Variants in PAXIP1 observed in about 807,000 individuals in gnomAD.
PAXIP1 encodes PAX interacting protein 1, also known as PAX-interacting protein 1.
Under a neutral mutation model 140.6 loss-of-function variants are expected in PAXIP1, and 19 were observed. The observed-to-expected ratio is 0.14, with a 90% CI of 0.09 to 0.20. The LOEUF (loss-of-function observed/expected upper bound fraction) is 0.20. Ranked by LOEUF, PAXIP1 falls within the 10% of genes least tolerant of loss-of-function variation. PAXIP1 has a pLI of 1.00. For synonymous variants in PAXIP1, 442 were observed against 444.6 expected (o/e 0.99, Z 0.07); for missense variants, 920 against 1,208.6 (o/e 0.76, Z 3.54).
intron 3 of PAXIP1, among the ~76,000 whole-genome samples, chr7:154,993,209 C>G (rs1021916532): frequency 6.6e-6 from 1 of 152,148 alleles, no homozygotes; most frequent in Non-Finnish European, 1.5e-5. Context: ...GCTCCATGAA[C>G]GAACAATGCA....
At chr7:154,997,770 C>G (rs1170608592) in intron 2 of PAXIP1, among the ~76,000 whole-genome samples, 2 of 152,198 alleles carry the variant, frequency 1.3e-5, no homozygotes, top group African/African-American at 4.8e-5. Flanking sequence ...CCCCAGACGA[C>G]CAGTGGGTAG....
chr7:154,968,920 GA>G lies in PAXIP1; in HGVS notation c.1280del (p.Leu427ProfsTer131). On this transcript the variant is annotated frameshift_variant, in exon 7 of 21. Coordinates refer to ENST00000404141, the MANE Select transcript of PAXIP1 (RefSeq NM_007349.4). LOFTEE classifies it high-confidence loss of function. ...AGATCTGCTGCTGCTGCTGCTGCTG[GA>G]GCTGCATTATCTGCTGGGGCTGAAG... ...LHLQPQQIMQ[L>X]QQQQQQQISQ... The G allele has an allele frequency of 7.5e-7, 1 of 1,328,570 alleles. No individual in the cohort carries two copies. Among genetic ancestry groups the G allele is most frequent in the Non-Finnish European group, 1.1e-6 (1 of 946,660 alleles). The allele number at this position is 1,328,570 out of a possible 1,614,324, so 82.3% of individuals were successfully genotyped here. A position where few individuals can be genotyped will look rare whatever the true frequency, so the allele number is the denominator to read the frequency against.
intron 6 of PAXIP1, among the ~76,000 whole-genome samples, chr7:154,972,453 C>T (rs762611493): frequency 6.6e-6 from 1 of 152,210 alleles, no homozygotes; most frequent in Non-Finnish European, 1.5e-5. Flanking sequence ...CCCACCACTG[C>T]ACTCCAGCCT....
intron 12 of PAXIP1, 123 bp from the exon 13 acceptor site, chr7:154,960,056 G>T (rs1808690972): frequency 1.6e-5 from 11 of 679,756 alleles, no homozygotes; most frequent in Non-Finnish European, 2.9e-5. Flanking sequence ...CACTTAATAA[G>T]GATAAATGTA....
In PAXIP1 at chr7:154,955,720, T is replaced by A; in HGVS notation, c.2550-89A>T. ...TAGAAAACAAGGGATTTCATTAGTT[T>A]AACAAGCTTTAACTGCATGTGGTTT... is the stretch of plus-strand genomic sequence containing the variant. On this transcript the variant is annotated intron_variant, in intron 14 of 20. Coordinates refer to ENST00000404141, the MANE Select transcript of PAXIP1 (RefSeq NM_007349.4). 3 of 633,674 alleles carry A rather than the reference T, an allele frequency of 4.7e-6. No individual in the cohort carries two copies. In the South Asian group the frequency reaches 7.0e-5, roughly 15 times the overall value. The allele number at this position is 633,674 out of a possible 1,614,324, so 39.3% of individuals were successfully genotyped here.
rs1466551983 is a variant in PAXIP1, at chr7:155,003,048, G to C, written c.-119C>G. 5.1e-5 allele frequency: 13 copies of C among 252,616 alleles called. No individual in the cohort carries two copies. The highest frequency in any genetic ancestry group is 6.3e-5 in the Non-Finnish European group (11 of 175,360). The allele number at this position is 252,616 out of a possible 1,614,324, so 15.6% of individuals were successfully genotyped here. ...GCCAACGGCCCTGCCCGCGCAGCCC[G>C]GGCCCGGTCCTGCGAATCGGGGTCC... On this transcript the variant is annotated 5_prime_UTR_variant, in exon 1 of 21. Transcript: ENST00000404141.
At chr7:154,981,123 G>C (rs566683973) in intron 5 of PAXIP1, among the ~76,000 whole-genome samples, 13 of 147,106 alleles carry the variant, frequency 8.8e-5, no homozygotes, top group African/African-American at 3.0e-4. Context: ...TCTGTCTCAA[G>C]AAAAAAAAAA....
chr7:154,996,628 T>C (rs1391887698), intron 2 of PAXIP1, among the ~76,000 whole-genome samples: 1 of 152,232 alleles, frequency 6.6e-6, no homozygotes, highest in East Asian at 1.9e-4. Context: ...GATATCAATC[T>C]GTAATTGCAG....
chr7:154,994,610 T>G (rs968707716), intron 2 of PAXIP1, among the ~76,000 whole-genome samples: 25 of 152,224 alleles, frequency 1.6e-4, no homozygotes, highest in Admixed American at 4.6e-4. Flanking sequence ...TATTCCAAGC[T>G]AATGATCTTC....
Position 154,963,125 on chromosome 7 carries a change from C to G in PAXIP1, c.1989+546G>C, listed in dbSNP as rs542061235. Among the ~76,000 whole-genome samples the G allele has an allele frequency of 1.3e-5, 2 of 152,142 alleles. No individual in the cohort carries two copies. Among genetic ancestry groups the G allele is most frequent in the African/African-American group, 4.8e-5 (2 of 41,436 alleles). On this transcript the variant is annotated intron_variant, in intron 9 of 20. Transcript: ENST00000404141. This position sits in a 1 kb window ranked among gnomAD's most constrained non-coding sequence, Gnocchi z 4.1. ...AGTACAGAATCCTGCGTCCCTTCAC[C>G]GTGCACAGAGAGCAGCTGGAATGGT...
Position 154,968,556 on chromosome 7 carries a change from TCTGCTG to T in PAXIP1, c.1639_1644del (p.Gln547_Gln548del), listed in dbSNP as rs141168451. 9.6e-6 allele frequency: 7 copies of T among 726,628 alleles called. No individual in the cohort carries two copies. Among genetic ancestry groups the T allele is most frequent in the Admixed American group, 2.0e-5 (1 of 49,860 alleles). 45.0% of individuals were successfully genotyped at this position (726,628 alleles called of 1,614,324 possible). On this transcript the variant is annotated inframe_deletion, in exon 7 of 21. Coordinates refer to ENST00000404141, the MANE Select transcript of PAXIP1 (RefSeq NM_007349.4). ...AAGTGTGGCGCTGTCTGACTTTGCA[TCTGCTG>T]CTGCTGCTGCTGCTGGTGCATGCGC...
chr7:154,964,938 C>T (rs545639810), intron 8 of PAXIP1: 39 of 152,302 alleles, frequency 2.6e-4, no homozygotes, highest in African/African-American at 9.1e-4. Flanking sequence ...TATTTCATTC[C>T]CAAACTCTAT....
At chr7:154,990,475 C>T (rs1188394514) in intron 4 of PAXIP1, among the ~76,000 whole-genome samples, 1 of 152,214 alleles carries the variant, frequency 6.6e-6, no homozygotes, top group African/African-American at 2.4e-5. Flanking sequence ...GGAGTCTGTC[C>T]TCAGCATCTC....
chr7:155,001,879 C>T (rs1455853536), intron 1 of PAXIP1: 2 of 152,244 alleles, frequency 1.3e-5, no homozygotes, highest in African/African-American at 4.8e-5. Context: ...GATCACTCAG[C>T]CTTCTACAAT....
At position 154,946,146 on chromosome 7, in the gene PAXIP1, A is replaced by T; in HGVS notation, c.3194+219T>A. 3.1e-6 allele frequency: 3 copies of T among 977,578 alleles called. No homozygotes were observed. The highest frequency in any genetic ancestry group is 3.6e-6 in the Non-Finnish European group (3 of 822,780). 60.6% of individuals were successfully genotyped at this position (977,578 alleles called of 1,614,324 possible). Reference sequence around the variant, plus strand: ...ACAGTATAGATCCTTTCTAATTAACATCACCTATTAAAACTGAACTCTCAG... The same window carrying T: ...ACAGTATAGATCCTTTCTAATTAACTTCACCTATTAAAACTGAACTCTCAG... On this transcript the variant is annotated intron_variant, in intron 20 of 20. Transcript: ENST00000404141. This position sits in a 1 kb window ranked among gnomAD's most constrained non-coding sequence, Gnocchi z 4.9.
At chr7:154,949,766 T>G (rs1027815128) in intron 16 of PAXIP1, 7 of 152,078 alleles carry the variant, frequency 4.6e-5, no homozygotes, top group Non-Finnish European at 1.0e-4. Flanking sequence ...TAGCCAGGCG[T>G]CGTCGTGGTG....
At position 154,968,829 on chromosome 7, in the gene PAXIP1, C is replaced by G; in HGVS notation, c.1372G>C (p.Ala458Pro). 1.3e-6 allele frequency: 1 copy of G among 741,190 alleles called. No homozygotes were observed. The highest frequency in any genetic ancestry group is 2.7e-5 in the East Asian group (1 of 37,212). 45.9% of individuals were successfully genotyped at this position (741,190 alleles called of 1,614,324 possible). The change falls in exon 7 of 21, where the codon GCC becomes CCC. Residue 458 changes from alanine (A) to proline (P), a missense_variant. Ala to Pro is a conservative substitution (Grantham distance 27). Transcript: ENST00000404141. ...TGCTGTGAAAACTGATGCGGATGGG[C>G]TTGCTGCTGCTGCTGCTGTTGCTGT... Reference protein sequence around the residue: ...FSQQQQQQQQAHPHQFSQQQL... With the variant: ...FSQQQQQQQQPHPHQFSQQQL...
chr7:155,002,681 C>A (rs1325601426), intron 1 of PAXIP1, among the ~76,000 whole-genome samples, 168 bp downstream of exon 1: 1 of 151,132 alleles, frequency 6.6e-6, no homozygotes, highest in East Asian at 2.0e-4. Flanking sequence ...CCTCCCGCGC[C>A]CACCCCGCGG....
Position 154,968,626 on chromosome 7 carries a change from C to T in PAXIP1, c.1575G>A (p.Gln525=). The T allele has an allele frequency of 1.4e-6, 1 of 714,280 alleles. No homozygotes were observed. The highest frequency in any genetic ancestry group is 1.5e-5 in the South Asian group (1 of 67,256). 44.2% of individuals were successfully genotyped at this position (714,280 alleles called of 1,614,324 possible). A position where few individuals can be genotyped will look rare whatever the true frequency, so the allele number is the denominator to read the frequency against. ...GCTGAATCTGCTGTTGCTGCTGCTG[C>T]TGGAGCAGGCTGTGCTGCTGCTGGA... The part of the protein sequence containing the change: ...AQLQQQHSLL[Q]QQQQQQIQQQ... Residue 525 remains glutamine, a synonymous_variant, in exon 7 of 21, where the codon CAG becomes CAA. Coordinates refer to ENST00000404141, the MANE Select transcript of PAXIP1 (RefSeq NM_007349.4).
Sources: gnomAD v4.1 joint callset for allele counts (sites outside exome capture counted in the v4.1 genomes callset) on GRCh38, gnomAD v4.1.1 for gene constraint, Gnocchi (gnomAD v3.1) non-coding constraint, MANE v1.5 for transcripts, NCBI Gene and HGNC (gene_info 2026-07-23, HGNC 2026-07-21) for gene names.